GRIK2: variants seen among roughly 807,000 people sequenced by gnomAD.
The protein encoded by GRIK2 is glutamate receptor ionotropic, kainate 2.
GRIK2 carries 32 observed loss-of-function variants against 100.3 expected under a neutral mutation model. The ratio of observed to expected loss-of-function variants is 0.32; its 90% CI spans 0.24 to 0.43. GRIK2 has a LOEUF of 0.43. Among genes scored for constraint, GRIK2 ranks in the 20% least tolerant of loss-of-function variants. GRIK2 has a pLI of 1.00. For synonymous variants in GRIK2, 417 were observed against 389.4 expected (o/e 1.07, Z -0.83); for missense variants, 843 against 1,114.9 (o/e 0.76, Z 3.47).
chr6:101,898,499 T>TTA (rs1787626142), intron 12 of GRIK2, among the ~76,000 whole-genome samples: 1 of 151,916 alleles, frequency 6.6e-6, no homozygotes, highest in South Asian at 2.1e-4. Context: ...CTTAGTTAGC[T>TTA]GTACTTAAGA....
chr6:101,425,609 T>C (rs775664179), intron 2 of GRIK2, among the ~76,000 whole-genome samples: 12 of 152,220 alleles, frequency 7.9e-5, no homozygotes, highest in Non-Finnish European at 1.6e-4. Flanking sequence ...ATTAAAGTTT[T>C]AAAGACAGCA....
At chr6:101,601,959 C>T (rs976594674) in intron 2 of GRIK2, among the ~76,000 whole-genome samples, 1 of 151,360 alleles carries the variant, frequency 6.6e-6, no homozygotes, top group Non-Finnish European at 1.5e-5. Flanking sequence ...TAGTTATTTT[C>T]TTCTGCTAGC....
At chr6:101,592,889 A>C (rs1778740256) in intron 2 of GRIK2, among the ~76,000 whole-genome samples, 1 of 151,820 alleles carries the variant, frequency 6.6e-6, no homozygotes, top group South Asian at 2.1e-4. Context: ...ACAGCAGAAC[A>C]GATGCTGTAA....
intron 16 of GRIK2, among the ~76,000 whole-genome samples, chr6:102,065,132 C>T (rs575494533): frequency 6.6e-6 from 1 of 151,168 alleles, no homozygotes; most frequent in South Asian, 2.1e-4. Context: ...TGAAAGATTG[C>T]TTGATTAAAT....
intron 2 of GRIK2, among the ~76,000 whole-genome samples, chr6:101,563,406 A>G (rs948473873): frequency 1.3e-5 from 2 of 152,196 alleles, no homozygotes; most frequent in Non-Finnish European, 2.9e-5. Context: ...TAATAATTCG[A>G]TTCAGATTTG....
intron 16 of GRIK2, among the ~76,000 whole-genome samples, chr6:102,063,397 A>C (rs1771851175): frequency 6.6e-6 from 1 of 150,830 alleles, no homozygotes; most frequent in African/African-American, 2.4e-5. Context: ...CAATGAATAC[A>C]TATATTCAAA....
At chr6:101,701,363 G>C (rs569063732) in intron 7 of GRIK2, among the ~76,000 whole-genome samples, 6 of 152,166 alleles carry the variant, frequency 3.9e-5, no homozygotes, top group African/African-American at 1.4e-4. Flanking sequence ...TAGTACCTGT[G>C]TCAGGGGTCT....
intron 13 of GRIK2, 198 bp from the exon 14 acceptor site, chr6:101,928,217 A>G (rs1790037397): frequency 1.7e-6 from 1 of 580,968 alleles, no homozygotes; most frequent in Non-Finnish European, 3.1e-6. Context: ...TTAAACAAGA[A>G]TGTCCTAAAA....
chr6:101,536,012 G>A lies in GRIK2; in HGVS notation c.116-85937G>A, dbSNP rs9498609. Among the ~76,000 whole-genome samples, 230 of 151,732 alleles carry A rather than the reference G, an allele frequency of 1.5e-3. 1 individual carries two copies. Among genetic ancestry groups the A allele is most frequent in the African/African-American group, 5.1e-3 (211 of 41,462 alleles). On this transcript the variant is annotated intron_variant, in intron 2 of 16. Coordinates refer to ENST00000369134, the MANE Select transcript of GRIK2 (RefSeq NM_021956.5). ...CTTAATTCTTCCTACTTTTATGGTA[G>A]CAGATAGGAAATCTTGAGGGACAAA...
chr6:101,642,678 A>G (rs995748370), intron 4 of GRIK2, among the ~76,000 whole-genome samples: 7 of 151,686 alleles, frequency 4.6e-5, no homozygotes, highest in Non-Finnish European at 1.5e-5. Context: ...AGCTATTATA[A>G]ATAATGCTGC....
Position 101,849,813 on chromosome 6 carries a change from GTTTTTTTT to G in GRIK2, c.1318-9455_1318-9448del, listed in dbSNP as rs36010543. Among the ~76,000 whole-genome samples, 6 of 53,868 alleles carry G rather than the reference GTTTTTTTT, an allele frequency of 1.1e-4. No individual in the cohort carries two copies. The South Asian group carries it at 2.6e-3, about 24-fold the overall frequency. The allele number at this position is 53,868 out of a possible 152,430, so 35.3% of individuals were successfully genotyped here. On this transcript the variant is annotated intron_variant, in intron 10 of 16. Transcript: ENST00000369134. ...AGGGATGCTATTTAAAAAAAGGAGG[GTTTTTTTT>G]TTTTTTTTTTTTTTTTTTGGTCAAC... is the stretch of plus-strand genomic sequence containing the variant.
chr6:102,034,156 A>G (rs1433061789), intron 14 of GRIK2, among the ~76,000 whole-genome samples: 1 of 151,354 alleles, frequency 6.6e-6, no homozygotes, highest in Non-Finnish European at 1.5e-5. Context: ...ACCCGGTCTT[A>G]GCCCTGATTC....
At chr6:101,399,822 C>T (rs1449426701) in intron 2 of GRIK2, among the ~76,000 whole-genome samples, 1 of 152,226 alleles carries the variant, frequency 6.6e-6, no homozygotes, top group Non-Finnish European at 1.5e-5. Flanking sequence ...TGGCGAGTTG[C>T]GCCTGTCCGC....
At chr6:101,490,794 A>C (rs1460396803) in intron 2 of GRIK2, among the ~76,000 whole-genome samples, 1 of 146,678 alleles carries the variant, frequency 6.8e-6, no homozygotes. Flanking sequence ...AGTGATGACA[A>C]TGACAACAAC....
intron 4 of GRIK2, among the ~76,000 whole-genome samples, chr6:101,634,888 T>A (rs968573164): frequency 1.3e-5 from 2 of 152,072 alleles, no homozygotes; most frequent in Admixed American, 6.6e-5. Context: ...ACTTATAGAT[T>A]GCTTTAGATA....
intron 10 of GRIK2, among the ~76,000 whole-genome samples, chr6:101,822,608 C>T (rs941608389): frequency 3.3e-5 from 5 of 152,240 alleles, no homozygotes; most frequent in Admixed American, 3.3e-4. Context: ...TCATAGCAGA[C>T]ATGTATTACA....
intron 7 of GRIK2, among the ~76,000 whole-genome samples, chr6:101,702,118 C>G (rs567708851): frequency 6.6e-6 from 1 of 151,900 alleles, no homozygotes; most frequent in East Asian, 1.9e-4. Context: ...TTCAATTAAA[C>G]ATTACATAAA....
intron 12 of GRIK2, among the ~76,000 whole-genome samples, chr6:101,893,457 C>G (rs1391603653): frequency 6.6e-6 from 1 of 151,622 alleles, no homozygotes; most frequent in Non-Finnish European, 1.5e-5. Context: ...CGCTGTATCT[C>G]AAAACTAAAT....
At chr6:101,825,795 T>A (rs1782286359) in intron 10 of GRIK2, among the ~76,000 whole-genome samples, 1 of 152,108 alleles carries the variant, frequency 6.6e-6, no homozygotes, top group African/African-American at 2.4e-5. Flanking sequence ...TAGCAAAATA[T>A]GTGAAAATGA....
Sources: allele counts gnomAD v4.1 joint callset (sites outside exome capture counted in the v4.1 genomes callset), GRCh38; gene constraint gnomAD v4.1.1; transcripts MANE v1.5; gene names NCBI Gene and HGNC (gene_info 2026-07-23, HGNC 2026-07-21).